OPCML: variants seen among roughly 807,000 people sequenced by gnomAD.
The protein encoded by OPCML is opioid binding protein/cell adhesion molecule like.
In OPCML, 13 loss-of-function variants were observed where a neutral mutation model predicts 37.8. The observed-to-expected ratio is 0.34, with a 90% confidence interval of 0.22 to 0.55. The LOEUF is 0.55. Among genes scored for constraint, OPCML ranks in the 20% least tolerant of loss-of-function variants. OPCML has a pLI of 0.91. For synonymous variants in OPCML, 176 were observed against 168.8 expected (o/e 1.04, Z -0.33); for missense variants, 341 against 435.6 (o/e 0.78, Z 1.93).
At chr11:132,562,085 G>A (rs575297962) in intron 3 of OPCML, among the ~76,000 whole-genome samples, 2 of 152,278 alleles carry the variant, frequency 1.3e-5, no homozygotes, top group African/African-American at 4.8e-5. Flanking sequence ...CACTGACTGA[G>A]CAGAGTCAGA....
intron 3 of OPCML, among the ~76,000 whole-genome samples, chr11:132,595,782 G>A (rs1591601076): frequency 6.6e-6 from 1 of 152,336 alleles, no homozygotes; most frequent in Middle Eastern, 3.4e-3. Flanking sequence ...ATCAGCCATG[G>A]AAGTTTTTAA....
intron 3 of OPCML, among the ~76,000 whole-genome samples, chr11:132,647,287 A>G (rs1320577858): frequency 2.6e-5 from 4 of 152,196 alleles, no homozygotes; most frequent in Admixed American, 1.3e-4. Flanking sequence ...AAAAATGGGA[A>G]CATGAATCCC....
At chr11:133,390,400 T>C (rs1322734585) in intron 1 of OPCML, among the ~76,000 whole-genome samples, 1 of 152,054 alleles carries the variant, frequency 6.6e-6, no homozygotes, top group African/African-American at 2.4e-5. Flanking sequence ...GAGGTGGAGC[T>C]TGCAGCGAGC....
intron 4 of OPCML, among the ~76,000 whole-genome samples, chr11:132,478,268 G>A (rs543175603): frequency 9.2e-5 from 14 of 152,222 alleles, no homozygotes; most frequent in Admixed American, 5.2e-4. Context: ...AATTTTTCAA[G>A]CTTAAAATAG....
chr11:132,908,152 C>T (rs1944307163), intron 2 of OPCML, among the ~76,000 whole-genome samples: 1 of 152,180 alleles, frequency 6.6e-6, no homozygotes, highest in Non-Finnish European at 1.5e-5. Context: ...CTTTCAGCAA[C>T]AGCACAAACT....
intron 3 of OPCML, among the ~76,000 whole-genome samples, chr11:132,626,143 T>C (rs964895373): frequency 2.0e-5 from 3 of 151,468 alleles, no homozygotes; most frequent in South Asian, 2.1e-4. Context: ...TCAGGCACTA[T>C]ACTAGATGCA....
intron 1 of OPCML, among the ~76,000 whole-genome samples, chr11:133,520,173 C>T (rs931489888): frequency 1.3e-5 from 2 of 152,102 alleles, no homozygotes; most frequent in Non-Finnish European, 2.9e-5. Flanking sequence ...TGAAGTCCTG[C>T]GGACTTTTGC....
chr11:133,351,685 C>G lies in OPCML; in HGVS notation c.61+180579G>C, dbSNP rs142657787. Among the ~76,000 whole-genome samples, 8 of 152,190 alleles carry G rather than the reference C, an allele frequency of 5.3e-5. No homozygotes were observed. In the East Asian group the frequency reaches 1.5e-3, roughly 29 times the overall value. The stretch of plus-strand genomic sequence containing the variant: ...ATTTGTAACCCGGTTATTTCCAAAC[C>G]TATATCCTTAACCCAGTTCACTTTC... On this transcript the variant is annotated intron_variant, in intron 1 of 7. Transcript: ENST00000524381.
At chr11:133,246,462 A>G (rs1940929472) in intron 1 of OPCML, among the ~76,000 whole-genome samples, 1 of 152,218 alleles carries the variant, frequency 6.6e-6, no homozygotes, top group African/African-American at 2.4e-5. Flanking sequence ...ATGAAGCAAG[A>G]GCAGTTTTAC....
intron 2 of OPCML, among the ~76,000 whole-genome samples, chr11:132,690,748 A>G (rs1179271576): frequency 6.6e-6 from 1 of 152,238 alleles, no homozygotes; most frequent in Non-Finnish European, 1.5e-5. Flanking sequence ...GAGAGAAACC[A>G]AGATTATAGC....
rs1194993770 is a variant in OPCML, at chr11:132,730,249, T to A, written c.147-72930A>T. On this transcript the variant is annotated intron_variant, in intron 2 of 7. Coordinates refer to ENST00000524381, the MANE Select transcript of OPCML (RefSeq NM_001012393.5). ...AGGTGTAACAGGTACCAAATGCAGT[T>A]GACTATTTAAAATAAAGATTAATAA... Among the ~76,000 whole-genome samples, 3 of 152,044 alleles carry A rather than the reference T, an allele frequency of 2.0e-5. No individual in the cohort carries two copies. In the East Asian group the frequency reaches 5.8e-4, roughly 29 times the overall value.
At chr11:133,105,906 C>A (rs987997960) in intron 1 of OPCML, among the ~76,000 whole-genome samples, 1 of 151,864 alleles carries the variant, frequency 6.6e-6, no homozygotes, top group Admixed American at 6.6e-5. Context: ...CGCTTGAACC[C>A]GGGAGGCAGA....
chr11:133,048,060 C>T (rs1302106394), intron 1 of OPCML, among the ~76,000 whole-genome samples: 2 of 152,076 alleles, frequency 1.3e-5, no homozygotes, highest in South Asian at 2.1e-4. Context: ...ACACTCTCAT[C>T]GGGCTTGAGG....
At chr11:132,626,277 A>T (rs540732150) in intron 3 of OPCML, among the ~76,000 whole-genome samples, 3 of 152,090 alleles carry the variant, frequency 2.0e-5, no homozygotes, top group Non-Finnish European at 4.4e-5. Flanking sequence ...ACCACCTGAC[A>T]AGGGAGTACA....
chr11:133,006,674 C>T, intron 1 of OPCML: 9 of 985,406 alleles, frequency 9.1e-6, no homozygotes, highest in Non-Finnish European at 1.1e-5. Context: ...TCCCTGATCC[C>T]ACATGTCTGC....
At chr11:133,417,348 C>G (rs943580084) in intron 1 of OPCML, among the ~76,000 whole-genome samples, 3 of 152,122 alleles carry the variant, frequency 2.0e-5, no homozygotes, top group African/African-American at 7.2e-5. Flanking sequence ...TTCCCAGCAA[C>G]TCTAAAAGGC....
intron 3 of OPCML, among the ~76,000 whole-genome samples, chr11:132,587,495 C>T (rs79244155): frequency 0.014 from 2,136 of 152,306 alleles, 51 homozygotes; most frequent in African/African-American, 0.049. Flanking sequence ...CTGTCCATCA[C>T]GACTGCAAAT....
rs1156848446 is a variant in OPCML at position 133,059,010 on chromosome 11, G to A, written c.62-116000C>T. ...CTTTGCTCTAAGCTTCAGGCTTATGGTAACTTTGCAAGGACCTTTATCTTT... is the reference window on the plus strand; with the variant it reads ...CTTTGCTCTAAGCTTCAGGCTTATGATAACTTTGCAAGGACCTTTATCTTT... On this transcript the variant is annotated intron_variant, in intron 1 of 7. Coordinates refer to ENST00000524381, the MANE Select transcript of OPCML (RefSeq NM_001012393.5). Among the ~76,000 whole-genome samples, 3 of 152,176 alleles carry A rather than the reference G, an allele frequency of 2.0e-5. No homozygotes were observed. The East Asian group carries it at 5.8e-4, about 29-fold the overall frequency.
At chr11:132,993,215 T>C (rs906202220) in intron 1 of OPCML, among the ~76,000 whole-genome samples, 4 of 152,186 alleles carry the variant, frequency 2.6e-5, no homozygotes, top group Non-Finnish European at 5.9e-5. Flanking sequence ...CACCCGAGGT[T>C]TGCATACACA....
Sources: allele counts gnomAD v4.1 joint callset (sites outside exome capture counted in the v4.1 genomes callset), GRCh38; gene constraint gnomAD v4.1.1; transcripts MANE v1.5; gene names NCBI Gene and HGNC (gene_info 2026-07-23, HGNC 2026-07-21).